The following LANCL1 variants were observed in gnomAD, a reference collection of about 807,000 sequenced individuals.
LANCL1 encodes glutathione S-transferase LANCL1.
LANCL1 carries 50 observed loss-of-function variants against 50.6 expected under a neutral mutation model. The ratio of observed to expected loss-of-function variants is 0.99; its 90% CI spans 0.79 to 1.25. The LOEUF (loss-of-function observed/expected upper bound fraction) is 1.25. Among genes scored for constraint, LANCL1 ranks in the 50% most tolerant of loss-of-function variants. The pLI is 0.00. For synonymous variants in LANCL1, 188 were observed against 178.6 expected (o/e 1.05, Z -0.42); for missense variants, 532 against 480.7 (o/e 1.11, Z -1.00).
At chr2:210,466,965 GGAT>G (rs1367213144) in intron 3 of LANCL1, among the ~76,000 whole-genome samples, 1 of 152,136 alleles carries the variant, frequency 6.6e-6, no homozygotes, top group Non-Finnish European at 1.5e-5. Flanking sequence ...TGGGGGATGG[GGAT>G]GAAGGATTTC....
At chr2:210,452,597 C>T (rs1693544633) in intron 4 of LANCL1, among the ~76,000 whole-genome samples, 2 of 152,190 alleles carry the variant, frequency 1.3e-5, no homozygotes, top group Middle Eastern at 3.4e-3. Flanking sequence ...CACAAATGCT[C>T]CCTCCTTGAA....
intron 2 of LANCL1, among the ~76,000 whole-genome samples, chr2:210,475,942 C>A (rs907622126): frequency 1.3e-5 from 2 of 152,184 alleles, no homozygotes; most frequent in African/African-American, 4.8e-5. Context: ...CCTGAACGCA[C>A]TTGTGTATAA....
intron 8 of LANCL1, 79 bp from the exon 9 acceptor site, chr2:210,435,538 A>T: frequency 9.6e-7 from 1 of 1,044,492 alleles, no homozygotes; most frequent in East Asian, 2.4e-5. Context: ...TGTCTATACA[A>T]ATTACTCTGA....
chr2:210,434,701 G>A (rs1692859332), intron 9 of LANCL1, 138 bp from the exon 10 acceptor site: 1 of 671,616 alleles, frequency 1.5e-6, no homozygotes, highest in Non-Finnish European at 2.5e-6. Context: ...ATCAACAAAG[G>A]GTGCCCACCA....
intron 3 of LANCL1, among the ~76,000 whole-genome samples, chr2:210,467,026 G>A (rs1368057715): frequency 6.6e-6 from 1 of 152,168 alleles, no homozygotes; most frequent in Non-Finnish European, 1.5e-5. Context: ...CGCCACACCA[G>A]AGGAATTAAC....
chr2:210,463,120 T>C (rs1186119627), intron 3 of LANCL1, among the ~76,000 whole-genome samples: 2 of 152,244 alleles, frequency 1.3e-5, no homozygotes, highest in Non-Finnish European at 2.9e-5. Context: ...ACTAGCTCTA[T>C]AACCTTGAAT....
At chr2:210,437,918 C>T (rs1692991189) in intron 6 of LANCL1, 46 bp from the exon 7 acceptor site, 6 of 1,352,454 alleles carry the variant, frequency 4.4e-6, no homozygotes, top group Non-Finnish European at 6.0e-6. Flanking sequence ...GCAAATAAAC[C>T]TTCCTAGGTC....
At chr2:210,442,958 G>T (rs1051917929) in intron 4 of LANCL1, among the ~76,000 whole-genome samples, 1 of 152,216 alleles carries the variant, frequency 6.6e-6, no homozygotes, top group African/African-American at 2.4e-5. Flanking sequence ...GGAGCCCTGG[G>T]AGCCTAAACT....
rs759078924 is a variant in LANCL1, at chr2:210,432,688, A to ATTCT, written c.*1795_*1798dup. On this transcript the variant is annotated 3_prime_UTR_variant, in exon 10 of 10. Transcript: ENST00000450366. ...CATTTAACTAAACCAAATGAGCTTT[A>ATTCT]TTCTTTCAAGCTGAACACCCCAGGC... The ATTCT allele has an allele frequency of 6.6e-6, 1 of 152,238 alleles. No homozygotes were observed. The highest frequency in any genetic ancestry group is 1.5e-5 in the Non-Finnish European group (1 of 68,044). 9.4% of individuals were successfully genotyped at this position (152,238 alleles called of 1,614,324 possible).
At chr2:210,471,144 T>G (rs1461056476) in intron 3 of LANCL1, among the ~76,000 whole-genome samples, 2 of 150,550 alleles carry the variant, frequency 1.3e-5, no homozygotes, top group Non-Finnish European at 2.9e-5. Flanking sequence ...CCTCCCAGGT[T>G]CAAGTGATTC....
chr2:210,455,542 CTATT>C (rs1236333615), intron 3 of LANCL1, among the ~76,000 whole-genome samples: 1 of 152,070 alleles, frequency 6.6e-6, no homozygotes, highest in Non-Finnish European at 1.5e-5. Context: ...TATGACAACT[CTATT>C]AAATAATAAG....
rs140921231 is a variant in LANCL1 at position 210,443,989 on chromosome 2, T to G, written c.408-2546A>C. 3.2e-3 allele frequency among the ~76,000 whole-genome samples: 490 copies of G among 152,318 alleles called. 3 individuals carry two copies. Among genetic ancestry groups the G allele is most frequent in the African/African-American group, 0.011 (438 of 41,570 alleles). On this transcript the variant is annotated intron_variant, in intron 4 of 9. Coordinates refer to ENST00000450366, the MANE Select transcript of LANCL1 (RefSeq NM_006055.3). Reference sequence around the variant, plus strand: ...AGAAGGGCTTGAGGGCAATGTGACTTTCTCTGAGCTACAAAAACAGGGTAG... The same window carrying G: ...AGAAGGGCTTGAGGGCAATGTGACTGTCTCTGAGCTACAAAAACAGGGTAG...
At chr2:210,452,232 T>TAAA (rs34667709) in intron 4 of LANCL1, among the ~76,000 whole-genome samples, 1 of 141,986 alleles carries the variant, frequency 7.0e-6, no homozygotes, top group Non-Finnish European at 1.5e-5. Flanking sequence ...TTCTGCTTAT[T>TAAA]AAAAAAAAAA....
intron 2 of LANCL1, among the ~76,000 whole-genome samples, chr2:210,475,444 G>A (rs1207293110): frequency 6.6e-6 from 1 of 151,944 alleles, no homozygotes; most frequent in African/African-American, 2.4e-5. Context: ...CAATTCTCCC[G>A]CCTCAGCCTC....
At chr2:210,465,679 T>G (rs1206340794) in intron 3 of LANCL1, among the ~76,000 whole-genome samples, 1 of 152,236 alleles carries the variant, frequency 6.6e-6, no homozygotes, top group East Asian at 1.9e-4. Flanking sequence ...CTGTATGATT[T>G]AATGCCAGCA....
At chr2:210,476,766 T>C (rs1429109308), upstream of LANCL1, 1 of 1,027,590 alleles carries the variant, frequency 9.7e-7, no homozygotes, top group African/African-American at 1.7e-5. Flanking sequence ...TACCGCCCAG[T>C]TCCTGCCAGG....
At position 210,453,380 on chromosome 2, in the gene LANCL1, G is replaced by T. The variant is rs116444129; in HGVS notation, c.407+1727C>A. 3.6e-3 allele frequency among the ~76,000 whole-genome samples: 545 copies of T among 152,256 alleles called. 5 individuals are homozygous for T. Among genetic ancestry groups the T allele is most frequent in the South Asian group, 0.016 (75 of 4,826 alleles). On this transcript the variant is annotated intron_variant, in intron 4 of 9. Transcript: ENST00000450366. ...AGGGTTGTATAGGTGAGTTAACATT[G>T]GCAAGTGCTGCTCCCTAGAGTTGGC...
chr2:210,440,742 A>C lies in LANCL1; in HGVS notation c.546T>G (p.Ile182Met). Reference sequence around the variant, plus strand: ...CTCCAGAGGTTAAAATTGTTTCACAAATCTACAGGGAGAAAACCAACCAAA... The same window carrying C: ...CTCCAGAGGTTAAAATTGTTTCACACATCTACAGGGAGAAAACCAACCAAA... ...EKIPQSHIQQICETILTSGEN... is the reference protein window; with the variant it reads ...EKIPQSHIQQMCETILTSGEN... Residue 182 changes from isoleucine to methionine, a missense_variant and splice_region_variant, in exon 6 of 10, where the codon ATT becomes ATG. Transcript: ENST00000450366. 7 of 1,612,462 alleles carry C rather than the reference A, an allele frequency of 4.3e-6. No homozygotes were observed. The South Asian group carries it at 6.6e-5, about 15-fold the overall frequency.
intron 7 of LANCL1, 108 bp downstream of exon 7, chr2:210,437,582 C>T (rs2105885636): frequency 3.4e-6 from 2 of 586,338 alleles, no homozygotes; most frequent in East Asian, 6.2e-5. Context: ...GATCTTAGGT[C>T]CCACAAGAGA....
Sources: allele counts gnomAD v4.1 joint callset (sites outside exome capture counted in the v4.1 genomes callset), GRCh38; gene constraint gnomAD v4.1.1; transcripts MANE v1.5; gene names NCBI Gene and HGNC (gene_info 2026-07-23, HGNC 2026-07-21).